ZMAT4: variants seen among roughly 807,000 people sequenced by gnomAD.
The protein encoded by ZMAT4 is zinc finger matrin-type protein 4.
ZMAT4 carries 17 observed loss-of-function variants against 28.7 expected under a neutral mutation model. The observed-to-expected ratio is 0.59, with a 90% CI of 0.41 to 0.89. The LOEUF is 0.89. Ranked by LOEUF, ZMAT4 falls within the 40% of genes least tolerant of loss-of-function variation. The probability of loss-of-function intolerance (pLI) is 0.00; values close to 1 mark genes in which losing one functional copy is unlikely to be tolerated. For synonymous variants in ZMAT4, 117 were observed against 109.2 expected (o/e 1.07, Z -0.44); for missense variants, 240 against 283.8 (o/e 0.85, Z 1.11).
At chr8:40,651,719 G>A (rs1451231073) in intron 5 of ZMAT4, among the ~76,000 whole-genome samples, 4 of 151,874 alleles carry the variant, frequency 2.6e-5, no homozygotes, top group African/African-American at 9.7e-5. Context: ...GTTTGGTACT[G>A]GTACCAAAAC....
intron 1 of ZMAT4, among the ~76,000 whole-genome samples, chr8:40,896,977 T>TC (rs1818900312): frequency 2.0e-5 from 3 of 151,264 alleles, no homozygotes; most frequent in Admixed American, 6.6e-5. Context: ...CTTTTTCTTT[T>TC]TTTTTTTTTT....
intron 6 of ZMAT4, among the ~76,000 whole-genome samples, chr8:40,548,547 A>G (rs1438127194): frequency 6.6e-6 from 1 of 152,176 alleles, no homozygotes; most frequent in Admixed American, 6.5e-5. Context: ...AAGCCAAAGT[A>G]TGTTATTTTC....
chr8:40,694,188 C>T (rs1306883051), intron 4 of ZMAT4, among the ~76,000 whole-genome samples: 1 of 152,150 alleles, frequency 6.6e-6, no homozygotes, highest in Non-Finnish European at 1.5e-5. Context: ...GGAGAAGCTG[C>T]TGCTGGGTGT....
chr8:40,545,278 A>G (rs1803165301), intron 6 of ZMAT4, among the ~76,000 whole-genome samples: 1 of 152,150 alleles, frequency 6.6e-6, no homozygotes. Flanking sequence ...ACCAGAACCC[A>G]GTTACACTAT....
chr8:40,805,835 T>C (rs1815062960), intron 2 of ZMAT4, among the ~76,000 whole-genome samples: 1 of 151,266 alleles, frequency 6.6e-6, no homozygotes, highest in Admixed American at 6.6e-5. Context: ...ATATACCTAA[T>C]GCGAGATGAC....
At chr8:40,589,625 G>A (rs1804784671) in intron 5 of ZMAT4, among the ~76,000 whole-genome samples, 1 of 152,096 alleles carries the variant, frequency 6.6e-6, no homozygotes, top group African/African-American at 2.4e-5. Flanking sequence ...TTGTTAAATC[G>A]TTGACAAGCA....
intron 3 of ZMAT4, among the ~76,000 whole-genome samples, chr8:40,741,156 AGACATTGGCCGG>A (rs1811986258): frequency 6.6e-6 from 1 of 152,212 alleles, no homozygotes; most frequent in African/African-American, 2.4e-5. Flanking sequence ...GGTTTAAAAA[AGACATTGGCCGG>A]GCATGGTGGC....
chr8:40,753,251 C>T (rs1258149262), intron 3 of ZMAT4, among the ~76,000 whole-genome samples: 1 of 152,036 alleles, frequency 6.6e-6, no homozygotes, highest in South Asian at 2.1e-4. Flanking sequence ...TTATGACTTC[C>T]TTCTTACTCC....
At chr8:40,594,419 G>A (rs1805018649) in intron 5 of ZMAT4, among the ~76,000 whole-genome samples, 1 of 152,174 alleles carries the variant, frequency 6.6e-6, no homozygotes, top group Admixed American at 6.5e-5. Flanking sequence ...TGAAGAGACA[G>A]AAGAAATGAA....
chr8:40,786,152 G>A (rs1586048539), intron 2 of ZMAT4, among the ~76,000 whole-genome samples: 1 of 152,184 alleles, frequency 6.6e-6, no homozygotes, highest in East Asian at 1.9e-4. Flanking sequence ...CTTCTGCACA[G>A]CCCTTTCTTC....
intron 6 of ZMAT4, among the ~76,000 whole-genome samples, chr8:40,551,269 C>A (rs1242177728): frequency 1.3e-5 from 2 of 152,020 alleles, no homozygotes; most frequent in Non-Finnish European, 2.9e-5. Flanking sequence ...GCCTGGGGGA[C>A]AGGGGTAGAA....
At chr8:40,753,421 G>C (rs891204888) in intron 3 of ZMAT4, among the ~76,000 whole-genome samples, 1 of 152,096 alleles carries the variant, frequency 6.6e-6, no homozygotes, top group Non-Finnish European at 1.5e-5. Flanking sequence ...CAAGCATCAC[G>C]TATTCAGGAA....
chr8:40,693,248 C>A (rs552252462), intron 4 of ZMAT4, among the ~76,000 whole-genome samples: 20 of 152,250 alleles, frequency 1.3e-4, no homozygotes, highest in African/African-American at 4.8e-4. Context: ...TCCCAAGGAG[C>A]TTGGACTATA....
At chr8:40,843,823 T>C (rs1469224047) in intron 1 of ZMAT4, among the ~76,000 whole-genome samples, 1 of 152,134 alleles carries the variant, frequency 6.6e-6, no homozygotes, top group Non-Finnish European at 1.5e-5. Flanking sequence ...TGAAAATCAG[T>C]TGAGTGGGTT....
At chr8:40,607,355 TCTC>T (rs1323293071) in intron 5 of ZMAT4, among the ~76,000 whole-genome samples, 1 of 151,964 alleles carries the variant, frequency 6.6e-6, no homozygotes, top group Non-Finnish European at 1.5e-5. Flanking sequence ...ATGGTCTCGA[TCTC>T]CTGACCTCGT....
At chr8:40,795,783 C>T (rs1814571577) in intron 2 of ZMAT4, among the ~76,000 whole-genome samples, 1 of 152,218 alleles carries the variant, frequency 6.6e-6, no homozygotes, top group African/African-American at 2.4e-5. Flanking sequence ...CGATGACATT[C>T]TTGAGCATCC....
intron 2 of ZMAT4, among the ~76,000 whole-genome samples, chr8:40,807,690 A>C (rs1815144437): frequency 6.6e-6 from 1 of 152,178 alleles, no homozygotes; most frequent in South Asian, 2.1e-4. Flanking sequence ...ATATTATCTC[A>C]TATTCCTTCA....
chr8:40,583,015 C>G (rs1024317814), intron 5 of ZMAT4, among the ~76,000 whole-genome samples: 1 of 152,076 alleles, frequency 6.6e-6, no homozygotes. Context: ...ACCACCAGTA[C>G]GAAGAAGAGA....
intron 2 of ZMAT4, among the ~76,000 whole-genome samples, chr8:40,820,155 A>AAT (rs1232834823): frequency 7.5e-6 from 1 of 133,460 alleles, no homozygotes; most frequent in East Asian, 2.8e-4. Context: ...TGTATATGCG[A>AAT]ATATGTGTGT....
Sources: gnomAD v4.1 joint callset for allele counts (sites outside exome capture counted in the v4.1 genomes callset) on GRCh38, gnomAD v4.1.1 for gene constraint, MANE v1.5 for transcripts, NCBI Gene and HGNC (gene_info 2026-07-23, HGNC 2026-07-21) for gene names.